The following PCSK9 variants were observed in gnomAD, a reference collection of about 807,000 sequenced individuals.
PCSK9 encodes proprotein convertase subtilisin/kexin type 9.
In PCSK9, 57 loss-of-function variants were observed where a neutral mutation model predicts 62.1. That is an observed-to-expected ratio of 0.92 (90% CI 0.74 to 1.14). PCSK9 has a LOEUF of 1.14. PCSK9 is among the 50% of genes most tolerant of loss of function. The pLI, the probability that PCSK9 is intolerant of heterozygous loss-of-function variation, is 0.00. For synonymous variants in PCSK9, 387 were observed against 409.4 expected, an observed-to-expected ratio of 0.95 and a Z score of 0.66; for missense variants, 870 against 959.8, an observed-to-expected ratio of 0.91 and a Z score of 1.24.
chr1:55,041,675 T>C (rs1644598862), intron 1 of PCSK9, among the ~76,000 whole-genome samples: 1 of 152,226 alleles, frequency 6.6e-6, no homozygotes, highest in Admixed American at 6.5e-5. Flanking sequence ...TTTCTTTTAG[T>C]CATGAGAAAC....
intron 11 of PCSK9, 109 bp from the exon 12 acceptor site, chr1:55,063,260 G>T: frequency 3.3e-6 from 4 of 1,199,448 alleles, no homozygotes; most frequent in Middle Eastern, 2.7e-4. Context: ...GCCAGCGAGG[G>T]CCGTCTGCAC....
At position 55,046,534 on chromosome 1, in the gene PCSK9, G is replaced by A. The variant is rs770459215; in HGVS notation, c.411G>A (p.Leu137=). Residue 137 remains leucine (L), a synonymous_variant, in exon 3 of 12, where the codon TTG becomes TTA. Transcript: ENST00000302118. The stretch of plus-strand genomic sequence containing the variant: ...TCTGGCTTCTGCAGGCCTTGAAGTT[G>A]CCCCATGTCGACTACATCGAGGAGG... ...SGDLLELALK[L]PHVDYIEEDS... 5 of 1,614,170 alleles carry A rather than the reference G, an allele frequency of 3.1e-6. No individual in the cohort carries two copies. The highest frequency in any genetic ancestry group is 4.2e-6 in the Non-Finnish European group (5 of 1,180,044).
rs1230608167 is a variant in PCSK9, at chr1:55,044,703, C to T, written c.399+669C>T. ...ATTTTCACACTGATTCTCCACATGG[C>T]AGGCGGTGCTTCTTAGCCTCCTGCA... On this transcript the variant is annotated intron_variant, in intron 2 of 11. Transcript: ENST00000302118. Among the ~76,000 whole-genome samples the T allele has an allele frequency of 3.3e-5, 5 of 152,224 alleles. 1 individual carries two copies. Among genetic ancestry groups the T allele is most frequent in the Admixed American group, 3.3e-4 (5 of 15,286 alleles).
rs115333270 is a variant in PCSK9, at chr1:55,049,116, G to A, written c.523+2470G>A. ...AAGGAGTGCAGGCAGCTGCGAGCCT[G>A]TGTATCCAGCAGAAGGATCAGGAAA... On this transcript the variant is annotated intron_variant, in intron 3 of 11. Coordinates refer to ENST00000302118, the MANE Select transcript of PCSK9 (RefSeq NM_174936.4). 5.0e-3 allele frequency among the ~76,000 whole-genome samples: 761 copies of A among 152,362 alleles called. 8 individuals are homozygous for A. Among genetic ancestry groups the A allele is most frequent in the African/African-American group, 0.018 (731 of 41,592 alleles).
intron 3 of PCSK9, among the ~76,000 whole-genome samples, chr1:55,048,497 G>A (rs767715574): frequency 1.1e-4 from 16 of 152,270 alleles, no homozygotes; most frequent in Admixed American, 1.0e-3. Context: ...CCCCCTTCCC[G>A]CTTCCCCCGA....
At chr1:55,061,249 T>C (rs955412577) in intron 10 of PCSK9, 126 bp from the exon 11 acceptor site, 2 of 1,104,178 alleles carry the variant, frequency 1.8e-6, no homozygotes, top group Admixed American at 5.5e-5. Flanking sequence ...TCTTTTTTTC[T>C]TTGAGTTGTT....
chr1:55,058,581 A>C lies in PCSK9; in HGVS notation c.1437A>C (p.Pro479=). ...RMATAVARCA[P]DEELLSCSSF... ...CCACAGCCGTCGCCCGCTGCGCCCC[A>C]GATGAGGAGCTGCTGAGCTGCTCCA... Residue 479 remains proline (P), a synonymous_variant, in exon 9 of 12, where the codon CCA becomes CCC. Coordinates refer to ENST00000302118, the MANE Select transcript of PCSK9 (RefSeq NM_174936.4). The C allele has an allele frequency of 6.2e-7, 1 of 1,612,030 alleles. No individual in the cohort carries two copies. The highest frequency in any genetic ancestry group is 8.5e-7 in the Non-Finnish European group (1 of 1,180,022).
At position 55,040,081 on chromosome 1, in the gene PCSK9, C is replaced by T; in HGVS notation, c.207+37C>T. 1 of 1,545,170 alleles carries T rather than the reference C, an allele frequency of 6.5e-7. No individual in the cohort carries two copies. The highest frequency in any genetic ancestry group is 1.4e-5 in the African/African-American group (1 of 73,062). On this transcript the variant is annotated intron_variant, in intron 1 of 11. Transcript: ENST00000302118. This position sits in a 1 kb window ranked among gnomAD's most constrained non-coding sequence, Gnocchi z 4.1. ...GGGATGGGAGGCCGGGGCGAACCCG[C>T]AGCCGGGACGGTGCGGTGCTGTTTC...
At position 55,058,523 on chromosome 1, in the gene PCSK9, T is replaced by A; in HGVS notation, c.1379T>A (p.Val460Glu). The A allele has an allele frequency of 6.2e-7, 1 of 1,612,096 alleles. No individual in the cohort carries two copies. The highest frequency in any genetic ancestry group is 8.5e-7 in the Non-Finnish European group (1 of 1,179,994). ...GAGWQLFCRT[V>E]WSAHSGPTRM... ...GGTTGGCAGCTGTTTTGCAGGACTG[T>A]ATGGTCAGCACACTCGGGGCCTACA... Residue 460 changes from valine (V) to glutamate (E), a missense_variant, in exon 9 of 12, where the codon GTA becomes GAA. Coordinates refer to ENST00000302118, the MANE Select transcript of PCSK9 (RefSeq NM_174936.4).
At chr1:55,047,412 C>G (rs1644642030) in intron 3 of PCSK9, among the ~76,000 whole-genome samples, 1 of 152,184 alleles carries the variant, frequency 6.6e-6, no homozygotes, top group South Asian at 2.1e-4. Context: ...AACATGGTGC[C>G]AGGACGCAGA....
chr1:55,046,453 A>T, intron 2 of PCSK9, 70 bp from the exon 3 acceptor site: 2 of 1,612,220 alleles, frequency 1.2e-6, no homozygotes, highest in Non-Finnish European at 8.5e-7. Flanking sequence ...AGGTAAGGCC[A>T]GGCTGTGGCT....
intron 6 of PCSK9, among the ~76,000 whole-genome samples, chr1:55,056,885 G>A (rs7525503): frequency 6.6e-6 from 1 of 152,054 alleles, no homozygotes; most frequent in Admixed American, 6.5e-5. Context: ...GCGCGCGTTG[G>A]GGGTGGGGGT....
intron 3 of PCSK9, among the ~76,000 whole-genome samples, chr1:55,048,176 G>A (rs772367329): frequency 3.9e-5 from 6 of 152,206 alleles, no homozygotes; most frequent in East Asian, 3.9e-4. Context: ...TGCCTCTTCC[G>A]TGTCCCAACA....
chr1:55,050,606 C>T (rs1049585868), intron 3 of PCSK9, among the ~76,000 whole-genome samples: 3 of 152,154 alleles, frequency 2.0e-5, no homozygotes, highest in African/African-American at 7.2e-5. Context: ...AGCTTCCTGC[C>T]GAGACTGGAG....
At chr1:55,061,333 A>G (rs562957212) in intron 10 of PCSK9, 42 bp from the exon 11 acceptor site, 25 of 1,573,738 alleles carry the variant, frequency 1.6e-5, no homozygotes, top group Middle Eastern at 2.3e-4. Context: ...GAGACGGAGC[A>G]TCCCAGCATT....
In PCSK9 at chr1:55,064,367, A is replaced by C. The variant is rs1166585213; in HGVS notation, c.*783A>C. On this transcript the variant is annotated 3_prime_UTR_variant, in exon 12 of 12. Coordinates refer to ENST00000302118, the MANE Select transcript of PCSK9 (RefSeq NM_174936.4). ...CGCACCCCTACTTCACAGAGGAAGA[A>C]ACCTGGAACCAGAGGGGGCGTGCCT... is the stretch of plus-strand genomic sequence containing the variant. The C allele has an allele frequency of 6.6e-6, 1 of 152,300 alleles. No individual in the cohort carries two copies. The highest frequency in any genetic ancestry group is 6.5e-5 in the Admixed American group (1 of 15,288). The allele number at this position is 152,300 out of a possible 1,614,324, so 9.4% of individuals were successfully genotyped here.
chr1:55,043,752 G>A, intron 1 of PCSK9, 91 bp from the exon 2 acceptor site: 1 of 1,431,782 alleles, frequency 7.0e-7, no homozygotes, highest in Non-Finnish European at 9.7e-7. Flanking sequence ...TGTCTCTTTT[G>A]TTGTAATTTG....
chr1:55,054,600 CAG>C (rs1644699242), intron 5 of PCSK9, among the ~76,000 whole-genome samples: 1 of 152,310 alleles, frequency 6.6e-6, no homozygotes, highest in African/African-American at 2.4e-5. Flanking sequence ...CCTCATTTGA[CAG>C]GGGAGAAGCT....
chr1:55,051,659 G>C (rs1236017951), intron 3 of PCSK9: 1 of 220,116 alleles, frequency 4.5e-6, no homozygotes, highest in Admixed American at 5.3e-5. Flanking sequence ...GGATGATAAA[G>C]TGTAGGGTAG....
Sources: gnomAD v4.1 joint callset for allele counts (sites outside exome capture counted in the v4.1 genomes callset) on GRCh38, gnomAD v4.1.1 for gene constraint, Gnocchi (gnomAD v3.1) non-coding constraint, MANE v1.5 for transcripts, NCBI Gene and HGNC (gene_info 2026-07-23, HGNC 2026-07-21) for gene names.